Variants in GALNT14 observed in about 807,000 individuals in gnomAD.
GALNT14 encodes the protein UDP-GalNAc:polypeptide N-acetylgalactosaminyltransferase 14.
GALNT14 carries 60 observed loss-of-function variants against 77.5 expected under a neutral mutation model. The observed-to-expected ratio is 0.77, with a 90% confidence interval of 0.63 to 0.96. GALNT14 has a LOEUF of 0.96. GALNT14 is among the 40% of genes least tolerant of loss of function. The pLI is 0.00. For synonymous variants in GALNT14, 280 were observed against 281.7 expected, an observed-to-expected ratio of 0.99 and a Z score of 0.06; for missense variants, 710 against 731.0, an observed-to-expected ratio of 0.97 and a Z score of 0.33.
rs901717731 is a variant in GALNT14 at position 31,104,060 on chromosome 2, G to A, written c.129+33898C>T. Among the ~76,000 whole-genome samples, 4 of 152,078 alleles carry A rather than the reference G, an allele frequency of 2.6e-5. No individual in the cohort carries two copies. In the South Asian group the frequency reaches 6.2e-4, roughly 24 times the overall value. ...TTGCTTATCTTGTAGATGTTGTTTC[G>A]CTGTCTTCTGGGTATTTGGAAGTTG... On this transcript the variant is annotated intron_variant, in intron 1 of 14. Transcript: ENST00000349752.
chr2:31,094,711 A>C lies in GALNT14; in HGVS notation c.129+43247T>G, dbSNP rs559946009. ...ACTATTAAGTAATTTCCCAAAGAAC[A>C]TGAGGCTGGTCTTGAGATTGGAAGG... On this transcript the variant is annotated intron_variant, in intron 1 of 14. Coordinates refer to ENST00000349752, the MANE Select transcript of GALNT14 (RefSeq NM_024572.4). Among the ~76,000 whole-genome samples the C allele has an allele frequency of 1.5e-4, 23 of 152,364 alleles. No homozygotes were observed. In the East Asian group the frequency reaches 2.7e-3, roughly 18 times the overall value.
intron 10 of GALNT14, among the ~76,000 whole-genome samples, 171 bp from the exon 11 acceptor site, chr2:30,929,658 C>A (rs1665609597): frequency 6.6e-6 from 1 of 152,190 alleles, no homozygotes; most frequent in Non-Finnish European, 1.5e-5. Flanking sequence ...CCCAGCCAAG[C>A]CCCACCCAAT....
At chr2:31,130,734 C>CTGTGTGTGTGTGTGTGTGTGTGTG (rs4020220) in intron 1 of GALNT14, among the ~76,000 whole-genome samples, 2 of 117,538 alleles carry the variant, frequency 1.7e-5, no homozygotes, top group East Asian at 2.6e-4. Flanking sequence ...CAGGGTACCT[C>CTGTGTGTGTGTGTGTGTGTGTGTG]TGTGTGTGTG....
intron 1 of GALNT14, among the ~76,000 whole-genome samples, chr2:31,104,952 A>G (rs58624453): frequency 0.041 from 6,178 of 152,264 alleles, 383 homozygotes; most frequent in African/African-American, 0.14. Flanking sequence ...TATTGTGCCA[A>G]TATGCTATTT....
intron 1 of GALNT14, among the ~76,000 whole-genome samples, chr2:31,040,108 T>C (rs1391027741): frequency 6.6e-6 from 1 of 152,218 alleles, no homozygotes; most frequent in Non-Finnish European, 1.5e-5. Flanking sequence ...AACAAACTGT[T>C]TATTTCTATT....
intron 1 of GALNT14, among the ~76,000 whole-genome samples, chr2:31,005,426 A>G (rs1199660957): frequency 6.6e-6 from 1 of 152,174 alleles, no homozygotes; most frequent in Non-Finnish European, 1.5e-5. Flanking sequence ...CCTCCTCCCA[A>G]GGACAATACT....
the GALNT14 span, among the ~76,000 whole-genome samples, chr2:30,903,824 T>G: frequency 4.1e-3 from 620 of 152,326 alleles, 10 homozygotes; most frequent in South Asian, 0.031. Context: ...CCAAAGAGCA[T>G]GTAGGAAACT....
At chr2:31,119,726 A>G (rs899323412) in intron 1 of GALNT14, among the ~76,000 whole-genome samples, 5 of 152,256 alleles carry the variant, frequency 3.3e-5, no homozygotes, top group African/African-American at 4.8e-5. Flanking sequence ...TCTAACATGT[A>G]AGAATATGTG....
intron 2 of GALNT14, among the ~76,000 whole-genome samples, chr2:30,983,515 G>T (rs1210522256): frequency 3.3e-5 from 5 of 152,106 alleles, no homozygotes; most frequent in Non-Finnish European, 7.3e-5. Flanking sequence ...GCAAACTTAG[G>T]GAGGGAGAAG....
At chr2:31,120,822 C>T (rs1431019838) in intron 1 of GALNT14, among the ~76,000 whole-genome samples, 4 of 152,228 alleles carry the variant, frequency 2.6e-5, no homozygotes, top group Non-Finnish European at 5.9e-5. Context: ...CCCCAAAGTG[C>T]TGGGATTACA....
At chr2:31,008,141 G>A (rs373150202) in intron 1 of GALNT14, among the ~76,000 whole-genome samples, 8 of 152,274 alleles carry the variant, frequency 5.3e-5, no homozygotes, top group Middle Eastern at 3.4e-3. Flanking sequence ...CTGGACTTCA[G>A]TAGTGCAATC....
At chr2:30,900,101 G>A in the GALNT14 span, among the ~76,000 whole-genome samples, 2 of 152,260 alleles carry the variant, frequency 1.3e-5, no homozygotes, top group South Asian at 2.1e-4. Flanking sequence ...ATGGTGGACC[G>A]CAGGTACAAG....
At chr2:30,945,353 G>A (rs560712354) in intron 7 of GALNT14, among the ~76,000 whole-genome samples, 1 of 152,304 alleles carries the variant, frequency 6.6e-6, no homozygotes, top group Non-Finnish European at 1.5e-5. Context: ...TTGAAGTGGG[G>A]GCAACAGTGG....
chr2:31,122,906 G>C (rs1227913622), intron 1 of GALNT14, among the ~76,000 whole-genome samples: 1 of 152,206 alleles, frequency 6.6e-6, no homozygotes, highest in Non-Finnish European at 1.5e-5. Context: ...ATTGGGCCGG[G>C]TGCTGTGGCT....
chr2:31,129,411 A>G lies in GALNT14; in HGVS notation c.129+8547T>C. ...TTTCCTGATTCACCCTTTAATTAGT[A>G]AAGTCTTTCAGCTAGCTCCTCTTCT... On this transcript the variant is annotated intron_variant, in intron 1 of 14. Coordinates refer to ENST00000349752, the MANE Select transcript of GALNT14 (RefSeq NM_024572.4). 3.0e-6 allele frequency: 3 copies of G among 985,464 alleles called. No individual in the cohort carries two copies. The African/African-American group carries it at 5.2e-5, about 17-fold the overall frequency. 61.0% of individuals were successfully genotyped at this position (985,464 alleles called of 1,614,324 possible). A position where few individuals can be genotyped will look rare whatever the true frequency, so the allele number is the denominator to read the frequency against.
intron 1 of GALNT14, among the ~76,000 whole-genome samples, chr2:31,128,081 G>T (rs1188433320): frequency 6.6e-6 from 1 of 152,102 alleles, no homozygotes; most frequent in Non-Finnish European, 1.5e-5. Flanking sequence ...TACTGGAACT[G>T]CAGACAAAAT....
At chr2:31,089,670 G>A (rs1179462269) in intron 1 of GALNT14, among the ~76,000 whole-genome samples, 1 of 152,122 alleles carries the variant, frequency 6.6e-6, no homozygotes, top group Non-Finnish European at 1.5e-5. Flanking sequence ...TTATTTTCTA[G>A]ATGTTCTTTA....
At chr2:31,067,373 G>A (rs143061335) in intron 1 of GALNT14, among the ~76,000 whole-genome samples, 76 of 152,318 alleles carry the variant, frequency 5.0e-4, no homozygotes, top group East Asian at 2.7e-3. Flanking sequence ...AGCCCTGAGA[G>A]TCTGGGAATG....
At chr2:30,917,147 T>G (rs1221477165) in intron 13 of GALNT14, among the ~76,000 whole-genome samples, 1 of 145,644 alleles carries the variant, frequency 6.9e-6, no homozygotes, top group Non-Finnish European at 1.5e-5. Flanking sequence ...GCAGAGGAGC[T>G]GCTCTTGGAA....
Sources: gnomAD v4.1 joint callset for allele counts (sites outside exome capture counted in the v4.1 genomes callset) on GRCh38, gnomAD v4.1.1 for gene constraint, MANE v1.5 for transcripts, NCBI Gene and HGNC (gene_info 2026-07-23, HGNC 2026-07-21) for gene names.